Variants in TPTE2 observed in about 807,000 individuals in gnomAD.
TPTE2 encodes phosphatidylinositol 3,4,5-trisphosphate 3-phosphatase TPTE2.
A neutral mutation model predicts 78.6 loss-of-function variants in TPTE2; 53 were observed. That is an observed-to-expected ratio of 0.67 (90% CI 0.54 to 0.85). The LOEUF (loss-of-function observed/expected upper bound fraction) is 0.85. TPTE2 is among the 40% of genes least tolerant of loss of function. The probability of loss-of-function intolerance (pLI) is 0.00; values close to 1 mark genes in which losing one functional copy is unlikely to be tolerated. For missense variants in TPTE2, 461 were observed against 623.0 expected, an observed-to-expected ratio of 0.74 and a Z score of 2.77; for synonymous variants, 175 against 206.2, an observed-to-expected ratio of 0.85 and a Z score of 1.30.
chr13:19,452,659 A>G (rs1878252718), intron 10 of TPTE2, among the ~76,000 whole-genome samples: 1 of 152,220 alleles, frequency 6.6e-6, no homozygotes, highest in Non-Finnish European at 1.5e-5. Flanking sequence ...TTTAATGAGA[A>G]AATCCAATGC....
chr13:19,431,266 C>T (rs946176609), intron 16 of TPTE2, among the ~76,000 whole-genome samples: 3 of 152,072 alleles, frequency 2.0e-5, no homozygotes, highest in African/African-American at 7.2e-5. Flanking sequence ...ACTACTTTGG[C>T]CCTACTTTAA....
chr13:19,462,901 C>CT (rs1175132906), intron 10 of TPTE2, among the ~76,000 whole-genome samples: 2 of 151,592 alleles, frequency 1.3e-5, no homozygotes, highest in African/African-American at 2.4e-5. Flanking sequence ...CAGAGAAGAC[C>CT]TTTTTGGGTT....
intron 18 of TPTE2, among the ~76,000 whole-genome samples, chr13:19,426,095 T>C (rs546142088): frequency 6.7e-6 from 1 of 149,304 alleles, no homozygotes; most frequent in Non-Finnish European, 1.5e-5. Flanking sequence ...CAAAACAAAA[T>C]GTAATCATTG....
At chr13:19,561,519 T>G in the TPTE2 span, among the ~76,000 whole-genome samples, 4 of 151,888 alleles carry the variant, frequency 2.6e-5, no homozygotes, top group Admixed American at 1.3e-4. Flanking sequence ...AGGAAGTAAG[T>G]GGGGAGAGCC....
intron 1 of TPTE2, among the ~76,000 whole-genome samples, chr13:19,511,814 TTATAA>T (rs1264202952): frequency 6.6e-6 from 1 of 152,104 alleles, no homozygotes; most frequent in Non-Finnish European, 1.5e-5. Context: ...ATAGCTCTCC[TTATAA>T]TAGAATGATA....
chr13:19,503,706 G>C (rs904513501), upstream of TPTE2, among the ~76,000 whole-genome samples: 1 of 152,114 alleles, frequency 6.6e-6, no homozygotes. Context: ...CTGAGTCAAG[G>C]ACACAATCCA....
intron 3 of TPTE2, among the ~76,000 whole-genome samples, chr13:19,489,603 TAC>T (rs1201442901): frequency 6.7e-6 from 1 of 150,316 alleles, no homozygotes; most frequent in African/African-American, 2.4e-5. Flanking sequence ...GATATATATA[TAC>T]ACACATTTAA....
At chr13:19,444,114 G>A (rs1042047192) in intron 13 of TPTE2, among the ~76,000 whole-genome samples, 4 of 151,452 alleles carry the variant, frequency 2.6e-5, no homozygotes, top group African/African-American at 7.3e-5. Context: ...AGACCAACCT[G>A]GGCAACATAG....
chr13:19,512,969 T>C (rs1869553129), intron 1 of TPTE2, among the ~76,000 whole-genome samples: 1 of 152,152 alleles, frequency 6.6e-6, no homozygotes, highest in African/African-American at 2.4e-5. Flanking sequence ...TCATAAAGTG[T>C]ACAGAATAAA....
At chr13:19,423,647 G>A (rs1292369328) in intron 19 of TPTE2, among the ~76,000 whole-genome samples, 2 of 152,122 alleles carry the variant, frequency 1.3e-5, no homozygotes, top group Admixed American at 1.3e-4. Context: ...ACCCATTTAT[G>A]CCTGGTGTTC....
At chr13:19,557,150 A>G in the TPTE2 span, among the ~76,000 whole-genome samples, 326 of 152,358 alleles carry the variant, frequency 2.1e-3, 1 homozygote, top group African/African-American at 7.5e-3. Flanking sequence ...ATAGAGGTAC[A>G]CTGTAAATGG....
chr13:19,491,221 A>C lies in TPTE2; in HGVS notation c.119+1629T>G, dbSNP rs143104486. On this transcript the variant is annotated intron_variant, in intron 3 of 19. Coordinates refer to ENST00000400230, the Ensembl canonical transcript of TPTE2. ...CTAGCTTTTTATTTACTTAAACCTCAAATTTTGTGGAAGGTCCCTTCATGT... is the reference window on the plus strand; with the variant it reads ...CTAGCTTTTTATTTACTTAAACCTCCAATTTTGTGGAAGGTCCCTTCATGT... 2.9e-3 allele frequency among the ~76,000 whole-genome samples: 438 copies of C among 152,242 alleles called. 10 individuals carry two copies. In the South Asian group the frequency reaches 0.045, roughly 15 times the overall value.
chr13:19,539,069 G>C (rs1239391129), upstream of TPTE2, among the ~76,000 whole-genome samples: 1 of 152,150 alleles, frequency 6.6e-6, no homozygotes, highest in Non-Finnish European at 1.5e-5. Context: ...AAAGCCACCA[G>C]TGCCCTCCCA....
At chr13:19,537,894 C>A (rs1443287456), upstream of TPTE2, among the ~76,000 whole-genome samples, 1 of 152,160 alleles carries the variant, frequency 6.6e-6, no homozygotes, top group Non-Finnish European at 1.5e-5. Flanking sequence ...TGTGAGCCAC[C>A]ATACCCGGCC....
chr13:19,431,113 C>A (rs1460256630), intron 16 of TPTE2, among the ~76,000 whole-genome samples: 2 of 146,806 alleles, frequency 1.4e-5, no homozygotes, highest in African/African-American at 5.0e-5. Context: ...GGTGACAGAA[C>A]ATGACTCTGT....
intron 1 of TPTE2, among the ~76,000 whole-genome samples, chr13:19,524,542 C>T (rs1566076953): frequency 6.6e-6 from 1 of 152,078 alleles, no homozygotes; most frequent in Non-Finnish European, 1.5e-5. Context: ...GTCAAACTGC[C>T]ATAAGCAGGA....
intron 1 of TPTE2, among the ~76,000 whole-genome samples, chr13:19,532,662 C>T (rs1449014549): frequency 6.6e-6 from 1 of 152,226 alleles, no homozygotes; most frequent in Non-Finnish European, 1.5e-5. Flanking sequence ...TAGTACCCAT[C>T]ACATTCTGTA....
chr13:19,549,435 A>C, the TPTE2 span, among the ~76,000 whole-genome samples: 1 of 152,258 alleles, frequency 6.6e-6, no homozygotes, highest in Non-Finnish European at 1.5e-5. Flanking sequence ...GGGAAATGCA[A>C]ATCAAAACCA....
At chr13:19,491,285 G>A (rs1481200819) in intron 3 of TPTE2, among the ~76,000 whole-genome samples, 1 of 152,150 alleles carries the variant, frequency 6.6e-6, no homozygotes. Flanking sequence ...TGCTGATGGA[G>A]TAAAAAGGTA....
Sources: gnomAD v4.1 joint callset for allele counts (sites outside exome capture counted in the v4.1 genomes callset) on GRCh38, gnomAD v4.1.1 for gene constraint, MANE v1.5 for transcripts, NCBI Gene and HGNC (gene_info 2026-07-23, HGNC 2026-07-21) for gene names.